Variants in MDGA2 observed in about 807,000 individuals in gnomAD.
The protein encoded by MDGA2 is MAM domain-containing glycosylphosphatidylinositol anchor protein 2.
A neutral mutation model predicts 117.8 loss-of-function variants in MDGA2; 40 were observed. That is an observed-to-expected ratio of 0.34 (90% CI 0.26 to 0.44). MDGA2 has a LOEUF of 0.44. MDGA2 is among the 20% of genes least tolerant of loss of function. The pLI, the probability that MDGA2 is intolerant of heterozygous loss-of-function variation, is 1.00. For missense variants in MDGA2, 1,123 were observed against 1,250.6 expected (o/e 0.90, Z 1.54); for synonymous variants, 452 against 439.0 (o/e 1.03, Z -0.37).
At position 47,093,696 on chromosome 14, in the gene MDGA2, CAT is replaced by C. The variant is rs757614137; in HGVS notation, c.1195+3156_1195+3157del. Among the ~76,000 whole-genome samples, 4 of 152,112 alleles carry C rather than the reference CAT, an allele frequency of 2.6e-5. No individual in the cohort carries two copies. The East Asian group carries it at 5.8e-4, about 22-fold the overall frequency. Reference sequence around the variant, plus strand: ...TATTCAGTTTTCTACTTCTTATCTACATAGAGTGTTATCTCCATTATTTACTT... The same window carrying C: ...TATTCAGTTTTCTACTTCTTATCTACAGAGTGTTATCTCCATTATTTACTT... On this transcript the variant is annotated intron_variant, in intron 6 of 16. Coordinates refer to ENST00000399232, the MANE Select transcript of MDGA2 (RefSeq NM_001113498.3).
chr14:47,485,105 G>A (rs984967906), intron 1 of MDGA2, among the ~76,000 whole-genome samples: 1 of 152,120 alleles, frequency 6.6e-6, no homozygotes, highest in Non-Finnish European at 1.5e-5. Flanking sequence ...GGAGGGCTCA[G>A]AAGACAGGAA....
chr14:46,906,596 ATAAAT>A (rs1242865803), intron 10 of MDGA2, among the ~76,000 whole-genome samples: 2 of 152,154 alleles, frequency 1.3e-5, no homozygotes, highest in African/African-American at 4.8e-5. Context: ...TATCACTGAT[ATAAAT>A]TAGAGTATAT....
chr14:47,522,411 T>A (rs1894890281), intron 1 of MDGA2, among the ~76,000 whole-genome samples: 1 of 151,936 alleles, frequency 6.6e-6, no homozygotes, highest in African/African-American at 2.4e-5. Flanking sequence ...AGAAATGCTA[T>A]GTTCAGTTGG....
At chr14:47,157,335 C>G (rs1356835187) in intron 3 of MDGA2, among the ~76,000 whole-genome samples, 1 of 152,104 alleles carries the variant, frequency 6.6e-6, no homozygotes. Context: ...TTTGCTTTTA[C>G]TCATTTACTT....
chr14:47,144,947 C>T (rs555663045), intron 3 of MDGA2, among the ~76,000 whole-genome samples: 1 of 151,394 alleles, frequency 6.6e-6, no homozygotes, highest in Non-Finnish European at 1.5e-5. Flanking sequence ...CTATACTAGA[C>T]CTCTTTGTCT....
intron 8 of MDGA2, among the ~76,000 whole-genome samples, chr14:47,003,919 C>G (rs1887622284): frequency 6.6e-6 from 1 of 151,200 alleles, no homozygotes; most frequent in South Asian, 2.1e-4. Flanking sequence ...ATACAATGCC[C>G]AAAACAGAAT....
chr14:47,161,502 G>C (rs762956299), intron 3 of MDGA2, among the ~76,000 whole-genome samples: 2 of 151,218 alleles, frequency 1.3e-5, no homozygotes, highest in Non-Finnish European at 2.9e-5. Flanking sequence ...AGAATGTAAG[G>C]TTATATATAT....
intron 3 of MDGA2, among the ~76,000 whole-genome samples, chr14:47,200,190 G>T (rs1885440008): frequency 6.6e-6 from 1 of 151,874 alleles, no homozygotes. Flanking sequence ...AACGAAAAAG[G>T]AAGAAGAAAG....
intron 1 of MDGA2, among the ~76,000 whole-genome samples, chr14:47,594,974 C>T (rs940969820): frequency 2.0e-5 from 3 of 152,052 alleles, no homozygotes; most frequent in African/African-American, 7.2e-5. Context: ...TTCTCCTCAC[C>T]AGTGAATGCT....
At chr14:46,892,481 C>G (rs934945696) in intron 10 of MDGA2, among the ~76,000 whole-genome samples, 27 of 151,780 alleles carry the variant, frequency 1.8e-4, no homozygotes, top group African/African-American at 6.5e-4. Flanking sequence ...AAAGCATAAG[C>G]AGCAAAATAA....
intron 7 of MDGA2, 72 bp from the exon 8 acceptor site, chr14:47,035,376 A>G (rs927784019): frequency 1.4e-5 from 17 of 1,240,028 alleles, no homozygotes; most frequent in Non-Finnish European, 1.9e-5. Flanking sequence ...ACAGAAAATC[A>G]TAAGGAAACA....
intron 8 of MDGA2, among the ~76,000 whole-genome samples, chr14:46,964,436 G>A (rs1255660786): frequency 3.3e-5 from 5 of 152,140 alleles, no homozygotes; most frequent in African/African-American, 2.4e-5. Context: ...AGGACAAGGA[G>A]GCAAAACATT....
intron 3 of MDGA2, among the ~76,000 whole-genome samples, chr14:47,179,705 G>T (rs1184139458): frequency 6.6e-6 from 1 of 152,016 alleles, no homozygotes; most frequent in Non-Finnish European, 1.5e-5. Flanking sequence ...GGTAGGTGAA[G>T]AATGTTAAAC....
intron 1 of MDGA2, among the ~76,000 whole-genome samples, chr14:47,645,066 G>C (rs1218146212): frequency 6.6e-6 from 1 of 152,082 alleles, no homozygotes; most frequent in East Asian, 1.9e-4. Flanking sequence ...CCTACAGACA[G>C]ACTGATTTTA....
chr14:47,572,735 T>A (rs1896043598), intron 1 of MDGA2, among the ~76,000 whole-genome samples: 1 of 152,138 alleles, frequency 6.6e-6, no homozygotes, highest in African/African-American at 2.4e-5. Context: ...GACTTAGGAA[T>A]ACAGACCTCA....
chr14:46,936,494 A>T (rs1884786608), intron 9 of MDGA2, among the ~76,000 whole-genome samples: 1 of 152,158 alleles, frequency 6.6e-6, no homozygotes, highest in African/African-American at 2.4e-5. Context: ...CAACATACAA[A>T]ATCTGAAATA....
At chr14:47,540,098 C>T (rs1378453126) in intron 1 of MDGA2, among the ~76,000 whole-genome samples, 2 of 152,110 alleles carry the variant, frequency 1.3e-5, no homozygotes, top group Non-Finnish European at 2.9e-5. Flanking sequence ...CTGCAGGCTC[C>T]GCCCCCCGGG....
chr14:46,846,838 T>C (rs1172167248), intron 15 of MDGA2, among the ~76,000 whole-genome samples: 1 of 152,130 alleles, frequency 6.6e-6, no homozygotes, highest in Non-Finnish European at 1.5e-5. Flanking sequence ...CAAAGAATAG[T>C]TTAATAAAGA....
chr14:47,137,909 G>C (rs1005269724), intron 4 of MDGA2, among the ~76,000 whole-genome samples: 3 of 152,098 alleles, frequency 2.0e-5, no homozygotes, highest in African/African-American at 7.2e-5. Context: ...AGGTAACATG[G>C]TCTCTAAGTT....
Sources: allele counts gnomAD v4.1 joint callset (sites outside exome capture counted in the v4.1 genomes callset), GRCh38; gene constraint gnomAD v4.1.1; transcripts MANE v1.5; gene names NCBI Gene and HGNC (gene_info 2026-07-23, HGNC 2026-07-21).